The following BEND4 variants were observed in gnomAD, a reference collection of about 807,000 sequenced individuals.
BEND4 encodes the protein BEN domain-containing protein 4.
Under a neutral mutation model 54.7 loss-of-function variants are expected in BEND4, and 27 were observed. That is an observed-to-expected ratio of 0.49 (90% CI 0.36 to 0.68). The LOEUF (loss-of-function observed/expected upper bound fraction) is 0.68. BEND4 is among the 30% of genes least tolerant of loss of function. BEND4 has a pLI of 0.00. For missense variants in BEND4, 702 were observed against 697.2 expected (o/e 1.01, Z -0.08); for synonymous variants, 327 against 299.5 (o/e 1.09, Z -0.95).
At chr4:42,141,281 G>C (rs893720865) in intron 3 of BEND4, among the ~76,000 whole-genome samples, 3 of 152,196 alleles carry the variant, frequency 2.0e-5, no homozygotes, top group African/African-American at 7.2e-5. Context: ...TCTGAACCAA[G>C]CCTCAGCTCT....
At chr4:42,133,449 A>G (rs928918147) in intron 3 of BEND4, among the ~76,000 whole-genome samples, 2 of 152,238 alleles carry the variant, frequency 1.3e-5, no homozygotes, top group Non-Finnish European at 2.9e-5. Flanking sequence ...TTAGTCCTAA[A>G]GTAACTCTTG....
chr4:42,152,368 C>T lies in BEND4; in HGVS notation c.-225G>A, dbSNP rs1484171249. 2 of 319,204 alleles carry T rather than the reference C, an allele frequency of 6.3e-6. No individual in the cohort carries two copies. The highest frequency in any genetic ancestry group is 1.1e-5 in the Non-Finnish European group (2 of 175,628). The allele number at this position is 319,204 out of a possible 1,614,324, so 19.8% of individuals were successfully genotyped here. A position where few individuals can be genotyped will look rare whatever the true frequency, so the allele number is the denominator to read the frequency against. ...CGAGCTCCTGATTGACAGGCTGCCT[C>T]GCCAATGCCTGGAGGGAGAAAGGAG... On this transcript the variant is annotated 5_prime_UTR_variant, in exon 2 of 6. Coordinates refer to ENST00000502486, the MANE Select transcript of BEND4 (RefSeq NM_207406.4).
At chr4:42,127,672 T>C (rs1720339474) in intron 3 of BEND4, among the ~76,000 whole-genome samples, 2 of 152,216 alleles carry the variant, frequency 1.3e-5, no homozygotes, top group Admixed American at 1.3e-4. Context: ...GTGCTGAGTA[T>C]GAGGCTCCAA....
At chr4:42,118,908 A>T (rs557162485) in intron 5 of BEND4, among the ~76,000 whole-genome samples, 31 of 152,300 alleles carry the variant, frequency 2.0e-4, no homozygotes, top group African/African-American at 7.0e-4. Flanking sequence ...AACTAATAGG[A>T]GGTGTGCTGG....
intron 2 of BEND4, among the ~76,000 whole-genome samples, chr4:42,145,754 G>A (rs902540567): frequency 2.0e-5 from 3 of 151,222 alleles, no homozygotes; most frequent in Non-Finnish European, 4.4e-5. Context: ...CACATAGGAA[G>A]CATGCCTTAC....
intron 3 of BEND4, among the ~76,000 whole-genome samples, chr4:42,127,020 A>C (rs1276820112): frequency 2.0e-5 from 3 of 152,202 alleles, no homozygotes; most frequent in Admixed American, 1.3e-4. Flanking sequence ...ATTTAACCTA[A>C]GCCCTAATTT....
rs760292852 is a variant in BEND4, at chr4:42,117,504, G to C, written c.*14C>G. 22 of 1,582,090 alleles carry C rather than the reference G, an allele frequency of 1.4e-5. No homozygotes were observed. The South Asian group carries it at 2.5e-4, about 18-fold the overall frequency. On this transcript the variant is annotated 3_prime_UTR_variant, in exon 6 of 6. Transcript: ENST00000502486. ...TTGAGAGGACCAGCTGCTACAACAG[G>C]AAGATTCTGTCCACTAATCCCCAGA...
chr4:42,124,222 G>A (rs1410329556), intron 4 of BEND4, among the ~76,000 whole-genome samples: 1 of 152,166 alleles, frequency 6.6e-6, no homozygotes, highest in Non-Finnish European at 1.5e-5. Context: ...GCGTGGTGGT[G>A]CACACCTGTA....
rs1577775532 is a variant in BEND4 at position 42,152,562 on chromosome 4, G to A, written c.-264C>T. 6.5e-6 allele frequency: 1 copy of A among 153,720 alleles called. No individual in the cohort carries two copies. Among genetic ancestry groups the A allele is most frequent in the African/African-American group, 2.4e-5 (1 of 41,610 alleles). The allele number at this position is 153,720 out of a possible 1,614,324, so 9.5% of individuals were successfully genotyped here. On this transcript the variant is annotated 5_prime_UTR_variant, in exon 1 of 6. Transcript: ENST00000502486. Reference sequence around the variant, plus strand: ...GGACGCCCGGGAACTGGTGAAGAAGGTGGGGATCCGGGATCTGGCTACGGC... The same window carrying A: ...GGACGCCCGGGAACTGGTGAAGAAGATGGGGATCCGGGATCTGGCTACGGC...
At position 42,117,446 on chromosome 4, in the gene BEND4, G is replaced by T. The variant is rs960299713; in HGVS notation, c.*72C>A. 2.8e-5 allele frequency: 30 copies of T among 1,071,130 alleles called. No homozygotes were observed. In the African/African-American group the frequency reaches 4.3e-4, roughly 15 times the overall value. The allele number at this position is 1,071,130 out of a possible 1,614,324, so 66.4% of individuals were successfully genotyped here. The stretch of plus-strand genomic sequence containing the variant: ...AGAATGACAGGCTTTGGACTCTCAG[G>T]TGACAGGAACAGGACATTCACAATT... On this transcript the variant is annotated 3_prime_UTR_variant, in exon 6 of 6. Transcript: ENST00000502486.
Position 42,117,584 on chromosome 4 carries a change from CCCTT to C in BEND4, c.1535_1538del (p.Glu512GlyfsTer48). On this transcript the variant is annotated frameshift_variant, in exon 6 of 6. Coordinates refer to ENST00000502486, the MANE Select transcript of BEND4 (RefSeq NM_207406.4). LOFTEE classifies it high-confidence loss of function. ...CATCCTGAGAAGCCTGGTGATCGAT[CCCTT>C]CATAAAATGAGCCACCGTTGTGCAG... 1.9e-6 allele frequency: 3 copies of C among 1,613,308 alleles called. No individual in the cohort carries two copies. The highest frequency in any genetic ancestry group is 2.5e-6 in the Non-Finnish European group (3 of 1,179,672).
intron 2 of BEND4, among the ~76,000 whole-genome samples, chr4:42,148,323 TAAATA>T (rs1275885408): frequency 6.6e-6 from 1 of 152,162 alleles, no homozygotes. Flanking sequence ...TTTTTCTAAA[TAAATA>T]AATCAATGAT....
At chr4:42,138,302 A>G (rs1720764190) in intron 3 of BEND4, among the ~76,000 whole-genome samples, 1 of 152,240 alleles carries the variant, frequency 6.6e-6, no homozygotes, top group Non-Finnish European at 1.5e-5. Context: ...TCCGAAGGCC[A>G]TTATGTTAAG....
chr4:42,139,126 A>C (rs1323590750), intron 3 of BEND4, among the ~76,000 whole-genome samples: 1 of 152,114 alleles, frequency 6.6e-6, no homozygotes, highest in Non-Finnish European at 1.5e-5. Context: ...TCATCCCTTC[A>C]CATTCCTGAT....
chr4:42,138,076 C>A (rs1332050000), intron 3 of BEND4, among the ~76,000 whole-genome samples: 3 of 152,178 alleles, frequency 2.0e-5, no homozygotes, highest in African/African-American at 7.2e-5. Flanking sequence ...AGCAAAACTT[C>A]TCCTGGACAT....
Position 42,143,953 on chromosome 4 carries a change from G to T in BEND4, c.529C>A (p.Arg177=). Reference sequence around the variant, plus strand: ...CCACAATTTAAGAGGCTAAGAACTCGACTGCACTGCTGGGCAAAGGCATCC... The same window carrying T: ...CCACAATTTAAGAGGCTAAGAACTCTACTGCACTGCTGGGCAAAGGCATCC... ...ILDAFAQQCS[R]VLSLLNCGGK... Residue 177 remains arginine, a synonymous_variant, in exon 3 of 6, where the codon CGA becomes AGA. Coordinates refer to ENST00000502486, the MANE Select transcript of BEND4 (RefSeq NM_207406.4). 2 of 1,552,356 alleles carry T rather than the reference G, an allele frequency of 1.3e-6. No homozygotes were observed. The highest frequency in any genetic ancestry group is 1.7e-6 in the Non-Finnish European group (2 of 1,153,740).
chr4:42,144,257 T>C (rs1365731953), intron 2 of BEND4, among the ~76,000 whole-genome samples: 2 of 152,120 alleles, frequency 1.3e-5, no homozygotes, highest in Non-Finnish European at 2.9e-5. Context: ...CATATAGAGA[T>C]TTCCCTCTCT....
intron 3 of BEND4, among the ~76,000 whole-genome samples, chr4:42,142,072 T>G (rs1007880388): frequency 1.2e-4 from 18 of 151,454 alleles, no homozygotes; most frequent in Non-Finnish European, 1.9e-4. Flanking sequence ...CCTGGCGACT[T>G]TTGTGTATTT....
rs1030226830 is a variant in BEND4 at position 42,115,021 on chromosome 4, G to C, written c.*2497C>G. ...TCTCACTCAGGAGCAAAAGTCGTAG[G>C]AACATTTCACTCAGGCAAAAGCTGT... On this transcript the variant is annotated 3_prime_UTR_variant, in exon 6 of 6. Transcript: ENST00000502486. The C allele has an allele frequency of 6.6e-6, 1 of 152,222 alleles. No individual in the cohort carries two copies. The highest frequency in any genetic ancestry group is 2.4e-5 in the African/African-American group (1 of 41,454). 9.4% of individuals were successfully genotyped at this position (152,222 alleles called of 1,614,324 possible).
Sources: gnomAD v4.1 joint callset for allele counts (sites outside exome capture counted in the v4.1 genomes callset) on GRCh38, gnomAD v4.1.1 for gene constraint, MANE v1.5 for transcripts, NCBI Gene and HGNC (gene_info 2026-07-23, HGNC 2026-07-21) for gene names.